GPC6: variants seen among roughly 807,000 people sequenced by gnomAD.
The protein encoded by GPC6 is glypican 6.
A neutral mutation model predicts 55.2 loss-of-function variants in GPC6; 14 were observed. That is an observed-to-expected ratio of 0.25 (90% CI 0.17 to 0.40). The LOEUF (loss-of-function observed/expected upper bound fraction) is 0.40, where lower values mean the gene tolerates loss of function less well. GPC6 is among the 10% of genes least tolerant of loss of function. The probability of loss-of-function intolerance (pLI) is 1.00; values close to 1 mark genes in which losing one functional copy is unlikely to be tolerated. For synonymous variants in GPC6, 278 were observed against 259.6 expected (o/e 1.07, Z -0.68); for missense variants, 641 against 708.5 (o/e 0.90, Z 1.08).
Position 93,579,511 on chromosome 13 carries a change from G to A in GPC6, c.319+34090G>A, listed in dbSNP as rs150985979. Among the ~76,000 whole-genome samples the A allele has an allele frequency of 3.9e-3, 592 of 152,140 alleles. 4 individuals are homozygous for A. Among genetic ancestry groups the A allele is most frequent in the African/African-American group, 0.013 (558 of 41,530 alleles). Reference sequence around the variant, plus strand: ...CAGTAGTACAAGATTTTTTTCAGATGGGAGAAATTATGTGTGTGAACTATG... The same window carrying A: ...CAGTAGTACAAGATTTTTTTCAGATAGGAGAAATTATGTGTGTGAACTATG... On this transcript the variant is annotated intron_variant, in intron 2 of 8. Coordinates refer to ENST00000377047, the MANE Select transcript of GPC6 (RefSeq NM_005708.5).
intron 3 of GPC6, among the ~76,000 whole-genome samples, chr13:93,904,566 C>T (rs533131559): frequency 1.3e-5 from 2 of 151,934 alleles, no homozygotes; most frequent in African/African-American, 4.8e-5. Context: ...TAGAAAAACC[C>T]GTCTCTAGAA....
intron 3 of GPC6, among the ~76,000 whole-genome samples, chr13:93,999,602 G>A (rs1408950279): frequency 1.3e-5 from 2 of 152,166 alleles, no homozygotes; most frequent in African/African-American, 4.8e-5. Flanking sequence ...ATTCATCCCT[G>A]TTGTTGCAAA....
At chr13:94,260,406 A>G (rs532968764) in intron 4 of GPC6, among the ~76,000 whole-genome samples, 203 of 152,168 alleles carry the variant, frequency 1.3e-3, no homozygotes, top group Non-Finnish European at 2.2e-3. Flanking sequence ...TGGAGTCTGC[A>G]AGTCCAAGAT....
chr13:93,727,156 C>G (rs1883671964), intron 2 of GPC6, among the ~76,000 whole-genome samples: 1 of 151,970 alleles, frequency 6.6e-6, no homozygotes, highest in Non-Finnish European at 1.5e-5. Context: ...TGTGGAGCAC[C>G]TAAGTCGATT....
At chr13:94,060,446 A>G (rs1884280598) in intron 4 of GPC6, among the ~76,000 whole-genome samples, 2 of 152,206 alleles carry the variant, frequency 1.3e-5, no homozygotes, top group African/African-American at 4.8e-5. Flanking sequence ...ATTGAATTAA[A>G]GAGAATTCCT....
intron 6 of GPC6, among the ~76,000 whole-genome samples, chr13:94,328,006 G>T (rs1370091454): frequency 6.6e-6 from 1 of 152,178 alleles, no homozygotes; most frequent in East Asian, 1.9e-4. Context: ...ATAGGAAAGG[G>T]TGATCTTTCC....
intron 2 of GPC6, among the ~76,000 whole-genome samples, chr13:93,751,159 AAAC>A (rs1226603625): frequency 4.3e-4 from 1 of 2,316 alleles, no homozygotes; most frequent in African/African-American, 5.4e-4. Flanking sequence ...AAAAAAAGAA[AAAC>A]AAACAAACAA....
intron 2 of GPC6, among the ~76,000 whole-genome samples, chr13:93,575,033 C>G (rs897370095): frequency 1.3e-5 from 2 of 152,092 alleles, no homozygotes; most frequent in East Asian, 3.9e-4. Context: ...GTGGCTCATG[C>G]CTGTAATCCC....
intron 2 of GPC6, among the ~76,000 whole-genome samples, chr13:93,595,439 A>G (rs2139514299): frequency 6.6e-6 from 1 of 152,296 alleles, no homozygotes; most frequent in African/African-American, 2.4e-5. Flanking sequence ...TCAGAAAATA[A>G]TCTTTTGGAA....
chr13:93,314,712 G>GGTGTGTGTGT, intron 1 of GPC6, among the ~76,000 whole-genome samples: 1 of 147,556 alleles, frequency 6.8e-6, no homozygotes, highest in Admixed American at 6.7e-5. Flanking sequence ...AACAAGGAGG[G>GGTGTGTGTGT]GTGTGTGTGT....
In GPC6 at chr13:93,994,434, C is replaced by A. The variant is rs554505323; in HGVS notation, c.712-33295C>A. On this transcript the variant is annotated intron_variant, in intron 3 of 8. Coordinates refer to ENST00000377047, the MANE Select transcript of GPC6 (RefSeq NM_005708.5). Reference sequence around the variant, plus strand: ...TAACATTGTGGATTGGTTATTTGTTCCTATAGAGCACATTTTTGGTTTTGC... The same window carrying A: ...TAACATTGTGGATTGGTTATTTGTTACTATAGAGCACATTTTTGGTTTTGC... Among the ~76,000 whole-genome samples the A allele has an allele frequency of 6.6e-5, 10 of 152,164 alleles. 1 individual carries two copies. In the South Asian group the frequency reaches 8.3e-4, roughly 13 times the overall value.
intron 4 of GPC6, among the ~76,000 whole-genome samples, chr13:94,149,252 G>A (rs1454688373): frequency 1.3e-5 from 2 of 152,190 alleles, no homozygotes; most frequent in South Asian, 2.1e-4. Context: ...AGAGAGCCCC[G>A]AAGTCCCCCA....
chr13:93,447,183 T>G (rs1441967854), intron 1 of GPC6, among the ~76,000 whole-genome samples: 1 of 152,186 alleles, frequency 6.6e-6, no homozygotes, highest in Non-Finnish European at 1.5e-5. Context: ...TTTATCAAAT[T>G]CTTATGTTAG....
chr13:93,588,605 G>A (rs2139503064), intron 2 of GPC6, among the ~76,000 whole-genome samples: 1 of 152,260 alleles, frequency 6.6e-6, no homozygotes, highest in South Asian at 2.1e-4. Context: ...AGGAAGCATG[G>A]TGCTGGCATC....
intron 3 of GPC6, among the ~76,000 whole-genome samples, chr13:93,993,851 C>T (rs911106848): frequency 1.3e-5 from 2 of 152,100 alleles, no homozygotes; most frequent in Non-Finnish European, 2.9e-5. Context: ...AAGTTGGCAA[C>T]ATTTTAAAAA....
At chr13:94,115,356 G>T (rs1005232138) in intron 4 of GPC6, among the ~76,000 whole-genome samples, 1 of 152,068 alleles carries the variant, frequency 6.6e-6, no homozygotes. Flanking sequence ...GTGGGGGGGT[G>T]TCAAAGCTTT....
intron 2 of GPC6, among the ~76,000 whole-genome samples, chr13:93,735,844 G>A (rs1883982639): frequency 6.6e-6 from 1 of 152,114 alleles, no homozygotes; most frequent in African/African-American, 2.4e-5. Context: ...TTTCTATGCT[G>A]GATATTTGCA....
chr13:93,323,982 A>T (rs1229653956), intron 1 of GPC6, among the ~76,000 whole-genome samples: 1 of 152,162 alleles, frequency 6.6e-6, no homozygotes, highest in Admixed American at 6.5e-5. Context: ...TGAAGGAGAT[A>T]TCTGCACAAC....
chr13:93,538,651 A>T (rs1367458760), intron 1 of GPC6, among the ~76,000 whole-genome samples: 1 of 152,208 alleles, frequency 6.6e-6, no homozygotes, highest in Non-Finnish European at 1.5e-5. Context: ...CCTAAGAAAG[A>T]AATGATGAAA....
Sources: gnomAD v4.1 joint callset for allele counts (sites outside exome capture counted in the v4.1 genomes callset) on GRCh38, gnomAD v4.1.1 for gene constraint, MANE v1.5 for transcripts, NCBI Gene and HGNC (gene_info 2026-07-23, HGNC 2026-07-21) for gene names.